MGST1: variants seen among roughly 807,000 people sequenced by gnomAD.
MGST1 encodes the protein glutathione S-transferase 12.
Under a neutral mutation model 8.9 loss-of-function variants are expected in MGST1, and 5 were observed. That is an observed-to-expected ratio of 0.56 (90% CI 0.29 to 1.19). MGST1 has a LOEUF of 1.19. Among genes scored for constraint, MGST1 ranks in the 50% most tolerant of loss-of-function variants. The probability of loss-of-function intolerance (pLI) is 0.08; values close to 1 mark genes in which losing one functional copy is unlikely to be tolerated. For synonymous variants in MGST1, 54 were observed against 67.8 expected (o/e 0.80, Z 1.00); for missense variants, 182 against 187.4 (o/e 0.97, Z 0.17).
intron 3 of MGST1, among the ~76,000 whole-genome samples, chr12:16,357,934 G>T (rs9332922): frequency 0.069 from 10,533 of 152,186 alleles, 1,226 homozygotes; most frequent in African/African-American, 0.24. Flanking sequence ...TGACGTTGCT[G>T]TATATAGGGA....
At position 16,476,667 on chromosome 12, in the gene MGST1, G is replaced by T. The variant is rs1028940922; in HGVS notation, n.482+93063G>T. Among the ~76,000 whole-genome samples, 70 of 152,096 alleles carry T rather than the reference G, an allele frequency of 4.6e-4. 2 individuals carry two copies. The highest frequency in any genetic ancestry group is 1.6e-3 in the African/African-American group (67 of 41,414). On this transcript the variant is annotated intron_variant and non_coding_transcript_variant, in intron 4 of 4. Coordinates refer to the MGST1 transcript ENST00000538857. ...TTGGTAACCCAACAAAACTTGAACT[G>T]CTTTAGATAATAATTTTTTGATAAG...
intron 4 of MGST1, among the ~76,000 whole-genome samples, chr12:16,467,058 T>C (rs768124121): frequency 8.2e-4 from 125 of 152,134 alleles, no homozygotes; most frequent in Non-Finnish European, 1.7e-3. Flanking sequence ...GTTCTTTTAT[T>C]TAAAAAAAAA....
chr12:16,402,941 A>G (rs753638376), intron 1 of MGST1, among the ~76,000 whole-genome samples: 3 of 125,448 alleles, frequency 2.4e-5, no homozygotes, highest in South Asian at 2.6e-4. Flanking sequence ...AATAAAATAC[A>G]TTTAATATAT....
At chr12:16,405,044 A>T (rs1940688294) in intron 1 of MGST1, among the ~76,000 whole-genome samples, 1 of 152,214 alleles carries the variant, frequency 6.6e-6, no homozygotes, top group Non-Finnish European at 1.5e-5. Flanking sequence ...TTAAGAGGGA[A>T]GTTTATATTA....
rs1357260626 is a variant in MGST1, at chr12:16,563,693, G to A, written n.483-25835G>A. Among the ~76,000 whole-genome samples the A allele has an allele frequency of 2.0e-5, 3 of 152,162 alleles. No homozygotes were observed. In the East Asian group the frequency reaches 5.8e-4, roughly 30 times the overall value. On this transcript the variant is annotated intron_variant and non_coding_transcript_variant, in intron 4 of 4. Coordinates refer to the MGST1 transcript ENST00000538857. ...TTGTAAATTCTTGTTTGTAGTGCTT[G>A]TACAGTCACATCCTCTAGATAAGAG...
At chr12:16,455,916 C>T (rs1184061730) in intron 4 of MGST1, among the ~76,000 whole-genome samples, 2 of 151,714 alleles carry the variant, frequency 1.3e-5, no homozygotes, top group African/African-American at 4.8e-5. Context: ...GCAAGAATTA[C>T]TTAGGGGTAT....
intron 4 of MGST1, among the ~76,000 whole-genome samples, chr12:16,510,566 GT>G: frequency 6.6e-6 from 1 of 152,086 alleles, no homozygotes; most frequent in African/African-American, 2.4e-5. Context: ...GCAAACCTTG[GT>G]TTTCCATTTT....
chr12:16,517,582 A>T lies in MGST1; in HGVS notation n.483-71946A>T, dbSNP rs1372500758. Among the ~76,000 whole-genome samples the T allele has an allele frequency of 6.6e-6, 1 of 152,198 alleles. No individual in the cohort carries two copies. The highest frequency in any genetic ancestry group is 1.5e-5 in the Non-Finnish European group (1 of 68,032). ...TACAGCAGCACAAAACAGAGACAGCAGGTATCAGTAATATTTTGTTATAGT... is the reference window on the plus strand; with the variant it reads ...TACAGCAGCACAAAACAGAGACAGCTGGTATCAGTAATATTTTGTTATAGT... On this transcript the variant is annotated intron_variant and non_coding_transcript_variant, in intron 4 of 4. Coordinates refer to the MGST1 transcript ENST00000538857. The surrounding 1 kb of genome is among the most constrained non-coding windows in gnomAD (Gnocchi z 4.2).
At chr12:16,431,647 A>G (rs529591552) in intron 1 of MGST1, among the ~76,000 whole-genome samples, 2 of 152,252 alleles carry the variant, frequency 1.3e-5, no homozygotes, top group African/African-American at 2.4e-5. Flanking sequence ...CAATAGTAAC[A>G]TCAGAGATTA....
At chr12:16,502,995 G>T (rs1941514244) in intron 4 of MGST1, among the ~76,000 whole-genome samples, 1 of 152,186 alleles carries the variant, frequency 6.6e-6, no homozygotes, top group African/African-American at 2.4e-5. Context: ...TTAGCTCTAG[G>T]ATTTTGAGGT....
At chr12:16,528,263 AAC>A (rs1941701378) in intron 4 of MGST1, among the ~76,000 whole-genome samples, 1 of 152,146 alleles carries the variant, frequency 6.6e-6, no homozygotes, top group Non-Finnish European at 1.5e-5. Context: ...TCCATAGTGA[AAC>A]ACACAGATAT....
exon 2 of MGST1, chr12:16,438,548 A>G (rs189260871): frequency 4.6e-4 from 70 of 151,990 alleles, no homozygotes; most frequent in African/African-American, 1.6e-3. Context: ...CACAGCTTAT[A>G]TGACCTATTC....
At chr12:16,441,240 A>G (rs1243178574), downstream of MGST1, among the ~76,000 whole-genome samples, 2 of 151,826 alleles carry the variant, frequency 1.3e-5, no homozygotes, top group African/African-American at 2.4e-5. Context: ...GATTTCCCAC[A>G]TACACCCTAC....
chr12:16,373,433 A>G (rs1940329698), intron 3 of MGST1, among the ~76,000 whole-genome samples: 2 of 152,064 alleles, frequency 1.3e-5, no homozygotes, highest in African/African-American at 4.8e-5. Context: ...CAAAGAAATG[A>G]TAAATACTTG....
At chr12:16,390,186 G>A (rs1435152344) in intron 1 of MGST1, among the ~76,000 whole-genome samples, 1 of 150,730 alleles carries the variant, frequency 6.6e-6, no homozygotes, top group Non-Finnish European at 1.5e-5. Flanking sequence ...TGTAATTTGA[G>A]GGCACCTCAG....
chr12:16,526,685 G>C (rs1441541318), intron 4 of MGST1, among the ~76,000 whole-genome samples: 1 of 151,892 alleles, frequency 6.6e-6, no homozygotes, highest in Non-Finnish European at 1.5e-5. Context: ...CATAAATTAG[G>C]TAAGGTATTT....
chr12:16,446,796 T>A (rs138317949), intron 4 of MGST1, among the ~76,000 whole-genome samples: 1 of 152,000 alleles, frequency 6.6e-6, no homozygotes, highest in African/African-American at 2.4e-5. Flanking sequence ...GATTCTGGTA[T>A]CCATCTCCCT....
At chr12:16,509,241 T>C (rs1343428871) in intron 4 of MGST1, among the ~76,000 whole-genome samples, 2 of 152,172 alleles carry the variant, frequency 1.3e-5, no homozygotes, top group African/African-American at 2.4e-5. Context: ...TTAATTATTA[T>C]GACCCTGCCT....
chr12:16,434,186 T>TA (rs1308997435), intron 1 of MGST1, among the ~76,000 whole-genome samples: 2 of 152,072 alleles, frequency 1.3e-5, no homozygotes, highest in Non-Finnish European at 2.9e-5. Flanking sequence ...GATGAGCAGA[T>TA]AAATGAATGA....
Sources: allele counts gnomAD v4.1 joint callset (sites outside exome capture counted in the v4.1 genomes callset), GRCh38; gene constraint gnomAD v4.1.1; non-coding constraint Gnocchi (gnomAD v3.1); transcripts MANE v1.5; gene names NCBI Gene and HGNC (gene_info 2026-07-23, HGNC 2026-07-21).